Variants in OPRPN observed in about 807,000 individuals in gnomAD.
The protein encoded by OPRPN is basic proline-rich lacrimal protein.
A neutral mutation model predicts 2.2 loss-of-function variants in OPRPN; 1 was observed. The observed-to-expected ratio is 0.45, with a 90% CI of 0.16 to 2.15. The LOEUF is 2.15. OPRPN is among the 30% of genes most tolerant of loss of function. The pLI, the probability that OPRPN is intolerant of heterozygous loss-of-function variation, is 0.28. For missense variants in OPRPN, 306 were observed against 297.3 expected (o/e 1.03, Z -0.21); for synonymous variants, 126 against 111.5 (o/e 1.13, Z -0.82).
At chr4:70,407,495 G>C (rs1733114999) in intron 2 of OPRPN, among the ~76,000 whole-genome samples, 1 of 152,214 alleles carries the variant, frequency 6.6e-6, no homozygotes, top group Non-Finnish European at 1.5e-5. Flanking sequence ...GAATTTTTGA[G>C]TTGTCACTGA....
Position 70,410,192 on chromosome 4 carries a change from A to T in OPRPN, c.*117A>T, listed in dbSNP as rs149799302. On this transcript the variant is annotated 3_prime_UTR_variant, in exon 3 of 3. Coordinates refer to ENST00000399575, the MANE Select transcript of OPRPN (RefSeq NM_021225.5). ...GCACACTAAATAAAGTATTTGAGCA[A>T]TAATATGCACCTATTGCTATCATTA... The T allele has an allele frequency of 4.6e-3, 3,230 of 699,554 alleles. 12 individuals carry two copies. The highest frequency in any genetic ancestry group is 6.2e-3 in the Non-Finnish European group (2,761 of 445,452). The allele number at this position is 699,554 out of a possible 1,614,324, so 43.3% of individuals were successfully genotyped here. A position where few individuals can be genotyped will look rare whatever the true frequency, so the allele number is the denominator to read the frequency against.
chr4:70,409,541 A>T lies in OPRPN; in HGVS notation c.213A>T (p.Pro71=). 1 of 1,613,708 alleles carries T rather than the reference A, an allele frequency of 6.2e-7. No homozygotes were observed. The highest frequency in any genetic ancestry group is 2.2e-5 in the East Asian group (1 of 44,846). ...LSLPFVPGRV[P]PSSFSRFSQA... ...TTCCCTTTGTCCCAGGGCGAGTTCC[A>T]CCATCTTCTTTCTCTCGATTTAGCC... The change falls in exon 3 of 3, where the codon CCA becomes CCT. Residue 71 remains proline, a synonymous_variant. Transcript: ENST00000399575.
At chr4:70,406,657 A>G (rs1018668980) in intron 2 of OPRPN, among the ~76,000 whole-genome samples, 2 of 152,122 alleles carry the variant, frequency 1.3e-5, no homozygotes, top group African/African-American at 4.8e-5. Flanking sequence ...GACTACCAAA[A>G]AGAGCTCGTT....
Position 70,409,278 on chromosome 4 carries a change from T to C in OPRPN, c.52-102T>C, listed in dbSNP as rs1177527333. 5.7e-6 allele frequency: 5 copies of C among 880,734 alleles called. No homozygotes were observed. The African/African-American group carries it at 8.5e-5, about 15-fold the overall frequency. 54.6% of individuals were successfully genotyped at this position (880,734 alleles called of 1,614,324 possible). ...ACTTATGGCTTAGTATATCCTAATG[T>C]TTACATAGTAGATATATTAATACAT... On this transcript the variant is annotated intron_variant, in intron 2 of 2. Transcript: ENST00000399575.
In OPRPN at chr4:70,406,669, T is replaced by G. The variant is rs554547675; in HGVS notation, c.52-2711T>G. On this transcript the variant is annotated intron_variant, in intron 2 of 2. Transcript: ENST00000399575. Reference sequence around the variant, plus strand: ...AGGGACTACCAAAAAGAGCTCGTTATGTTGAAAGAACTAGTACTAGTTCTA... The same window carrying G: ...AGGGACTACCAAAAAGAGCTCGTTAGGTTGAAAGAACTAGTACTAGTTCTA... 1.4e-4 allele frequency among the ~76,000 whole-genome samples: 22 copies of G among 152,236 alleles called. No individual in the cohort carries two copies. The South Asian group carries it at 4.6e-3, about 32-fold the overall frequency.
At position 70,410,177 on chromosome 4, in the gene OPRPN, T is replaced by TAAAC. The variant is rs386400427; in HGVS notation, c.*105_*106insCAAA. On this transcript the variant is annotated 3_prime_UTR_variant, in exon 3 of 3. Coordinates refer to ENST00000399575, the MANE Select transcript of OPRPN (RefSeq NM_021225.5). Reference sequence around the variant, plus strand: ...ACCCTGATCTAACCAGCACACTAAATAAAGTATTTGAGCAATAATATGCAC... The same window carrying TAAAC: ...ACCCTGATCTAACCAGCACACTAAATAAACAAAGTATTTGAGCAATAATATGCAC... The TAAAC allele has an allele frequency of 2.6e-5, 22 of 834,084 alleles. No homozygotes were observed. Among genetic ancestry groups the TAAAC allele is most frequent in the Non-Finnish European group, 3.7e-5 (21 of 561,970 alleles). 51.7% of individuals were successfully genotyped at this position (834,084 alleles called of 1,614,324 possible).
At chr4:70,406,743 C>T (rs907689977) in intron 2 of OPRPN, among the ~76,000 whole-genome samples, 3 of 152,040 alleles carry the variant, frequency 2.0e-5, no homozygotes, top group African/African-American at 4.8e-5. Flanking sequence ...GATTGGATGG[C>T]GGTATAGGCT....
At chr4:70,399,014 G>A (rs1157263575) in intron 1 of OPRPN, among the ~76,000 whole-genome samples, 1 of 151,492 alleles carries the variant, frequency 6.6e-6, no homozygotes, top group African/African-American at 2.4e-5. Context: ...ATTTTAAAAT[G>A]TACTTTCAAC....
intron 2 of OPRPN, among the ~76,000 whole-genome samples, chr4:70,402,380 TC>T (rs1733001271): frequency 6.6e-6 from 1 of 151,994 alleles, no homozygotes; most frequent in African/African-American, 2.4e-5. Flanking sequence ...GTATAAATGC[TC>T]AAATGTTGTC....
At chr4:70,407,767 G>C (rs6856809) in intron 2 of OPRPN, among the ~76,000 whole-genome samples, 19,182 of 152,126 alleles carry the variant, frequency 0.13, 1,945 homozygotes, top group African/African-American at 0.28. Flanking sequence ...AAATAAAAGA[G>C]AAGAAAGACC....
intron 2 of OPRPN, among the ~76,000 whole-genome samples, chr4:70,402,935 C>T (rs1474180696): frequency 6.6e-6 from 1 of 152,044 alleles, no homozygotes; most frequent in East Asian, 1.9e-4. Flanking sequence ...CATCAGGTCT[C>T]ATGGGCTTTT....
intron 2 of OPRPN, among the ~76,000 whole-genome samples, chr4:70,402,247 T>A (rs62322515): frequency 0.22 from 33,183 of 151,944 alleles, 4,138 homozygotes; most frequent in East Asian, 0.41. Flanking sequence ...AAGTCTACAT[T>A]TCTAACAAGC....
In OPRPN at chr4:70,410,013, A is replaced by C; in HGVS notation, c.685A>C (p.Thr229Pro). 1.9e-6 allele frequency: 3 copies of C among 1,610,058 alleles called. No homozygotes were observed. The highest frequency in any genetic ancestry group is 8.5e-7 in the Non-Finnish European group (1 of 1,178,642). ...TGTCCAAGTTACGACTTCCAACCAA[A>C]CTATATTAAGCAGCCCAGCCTTTAA... is the stretch of plus-strand genomic sequence containing the variant. ...ATVQVTTSNQ[T>P]ILSSPAFKSF... Residue 229 changes from threonine to proline, a missense_variant, in exon 3 of 3, where the codon ACT becomes CCT. Transcript: ENST00000399575.
At chr4:70,398,525 C>T (rs1295945411) in intron 1 of OPRPN, among the ~76,000 whole-genome samples, 2 of 151,836 alleles carry the variant, frequency 1.3e-5, no homozygotes, top group Non-Finnish European at 1.5e-5. Context: ...AAGGCTAATG[C>T]CAATGACAGA....
At chr4:70,402,853 T>C (rs1373384463) in intron 2 of OPRPN, among the ~76,000 whole-genome samples, 1 of 151,984 alleles carries the variant, frequency 6.6e-6, no homozygotes, top group Admixed American at 6.6e-5. Flanking sequence ...GAGGCTAGCA[T>C]GGCTGGTAGA....
Position 70,409,570 on chromosome 4 carries a change from C to T in OPRPN, c.242C>T (p.Ala81Val), listed in dbSNP as rs1196068838. 1 of 1,613,868 alleles carries T rather than the reference C, an allele frequency of 6.2e-7. No homozygotes were observed. Among genetic ancestry groups the T allele is most frequent in the Non-Finnish European group, 8.5e-7 (1 of 1,179,792 alleles). Residue 81 changes from alanine to valine, a missense_variant, in exon 3 of 3, where the codon GCA (alanine) becomes GTA (valine). By Grantham distance (64) the Ala-to-Val change is moderately conservative. Transcript: ENST00000399575. ...TCTTCTTTCTCTCGATTTAGCCAAGCAGTCATTCTATCTCAACTCTTTCCA... is the reference window on the plus strand; with the variant it reads ...TCTTCTTTCTCTCGATTTAGCCAAGTAGTCATTCTATCTCAACTCTTTCCA... ...PPSSFSRFSQ[A>V]VILSQLFPLE...
chr4:70,402,988 T>A (rs990177115), intron 2 of OPRPN, among the ~76,000 whole-genome samples: 1 of 152,116 alleles, frequency 6.6e-6, no homozygotes, highest in African/African-American at 2.4e-5. Context: ...AAAACTTTAG[T>A]ACATGAAGTC....
Position 70,409,995 on chromosome 4 carries a change from G to A in OPRPN, c.667G>A (p.Val223Ile), listed in dbSNP as rs763690037. Residue 223 changes from valine to isoleucine, a missense_variant, in exon 3 of 3, where the codon GTT becomes ATT. By Grantham distance (29) the Val-to-Ile change is conservative (BLOSUM62 3). Transcript: ENST00000399575. The part of the protein sequence containing the change: ...HTVLLNATVQ[V>I]TTSNQTILSS... ...AGTATTGCTCAATGCCACTGTCCAA[G>A]TTACGACTTCCAACCAAACTATATT... 40 of 1,612,668 alleles carry A rather than the reference G, an allele frequency of 2.5e-5. No homozygotes were observed. In the Middle Eastern group the frequency reaches 9.9e-4, roughly 40 times the overall value.
intron 2 of OPRPN, among the ~76,000 whole-genome samples, chr4:70,404,478 C>T (rs530909103): frequency 5.9e-5 from 9 of 152,256 alleles, no homozygotes; most frequent in Admixed American, 2.0e-4. Flanking sequence ...ACTCCTTCAG[C>T]AAATATTGCC....
Sources: gnomAD v4.1 joint callset for allele counts (sites outside exome capture counted in the v4.1 genomes callset) on GRCh38, gnomAD v4.1.1 for gene constraint, MANE v1.5 for transcripts, NCBI Gene and HGNC (gene_info 2026-07-23, HGNC 2026-07-21) for gene names.